The following GOLGA5 variants were observed in gnomAD, a reference collection of about 807,000 sequenced individuals.
GOLGA5 encodes golgin subfamily A member 5.
In GOLGA5, 50 loss-of-function variants were observed where a neutral mutation model predicts 93.5. That is an observed-to-expected ratio of 0.53 (90% confidence interval 0.43 to 0.68). The LOEUF (loss-of-function observed/expected upper bound fraction) is 0.68, where lower values mean the gene tolerates loss of function less well. Among genes scored for constraint, GOLGA5 ranks in the 30% least tolerant of loss-of-function variants. GOLGA5 has a pLI of 0.00. For synonymous variants in GOLGA5, 312 were observed against 304.5 expected, an observed-to-expected ratio of 1.02 and a Z score of -0.26; for missense variants, 760 against 856.4, an observed-to-expected ratio of 0.89 and a Z score of 1.40.
intron 10 of GOLGA5, among the ~76,000 whole-genome samples, chr14:92,834,184 C>CTTTT (rs35449807): frequency 3.3e-4 from 44 of 135,008 alleles, no homozygotes; most frequent in South Asian, 4.8e-4. Flanking sequence ...TAGGTTTCAC[C>CTTTT]TTTTTTTTTT....
At chr14:92,826,024 C>T (rs902834592) in intron 9 of GOLGA5, among the ~76,000 whole-genome samples, 2 of 151,856 alleles carry the variant, frequency 1.3e-5, no homozygotes, top group Non-Finnish European at 2.9e-5. Flanking sequence ...CATGGTGGCA[C>T]GTACCTGTAA....
At chr14:92,804,846 C>G (rs147018317) in intron 2 of GOLGA5, among the ~76,000 whole-genome samples, 484 of 148,256 alleles carry the variant, frequency 3.3e-3, no homozygotes, top group Middle Eastern at 0.014. Context: ...CAGGGTTTCA[C>G]TATGTTGGCC....
At chr14:92,823,148 G>A (rs1266780391) in intron 8 of GOLGA5, among the ~76,000 whole-genome samples, 2 of 152,118 alleles carry the variant, frequency 1.3e-5, no homozygotes, top group Non-Finnish European at 2.9e-5. Flanking sequence ...TGTGTGAGGT[G>A]AGCTACAGAT....
Position 92,817,865 on chromosome 14 carries a change from A to G in GOLGA5, c.1491+1444A>G, listed in dbSNP as rs1398119909. ...CATCTTGCGGAGCTTTAATTTTCTC[A>G]TCTATAGAATGCAGGTAAACAAAGG... is the stretch of plus-strand genomic sequence containing the variant. On this transcript the variant is annotated intron_variant, in intron 7 of 12. Coordinates refer to ENST00000163416, the MANE Select transcript of GOLGA5 (RefSeq NM_005113.4). Among the ~76,000 whole-genome samples the G allele has an allele frequency of 3.3e-5, 5 of 152,250 alleles. No homozygotes were observed. The East Asian group carries it at 9.6e-4, about 29-fold the overall frequency.
At chr14:92,797,102 G>C (rs1884750876) in intron 1 of GOLGA5, among the ~76,000 whole-genome samples, 1 of 150,598 alleles carries the variant, frequency 6.6e-6, no homozygotes, top group South Asian at 2.1e-4. Context: ...AAAAACAGTA[G>C]TGGTAGTTGT....
intron 1 of GOLGA5, 93 bp from the exon 2 acceptor site, chr14:92,797,315 C>T: frequency 1.4e-6 from 1 of 689,798 alleles, no homozygotes; most frequent in East Asian, 2.8e-5. Context: ...GTTAGGATTT[C>T]AACCCAGGAT....
chr14:92,827,568 A>G (rs1885448212), intron 9 of GOLGA5, among the ~76,000 whole-genome samples: 1 of 152,202 alleles, frequency 6.6e-6, no homozygotes, highest in African/African-American at 2.4e-5. Flanking sequence ...TAGGCCAATT[A>G]ATAAACCTAC....
chr14:92,810,620 A>C, intron 5 of GOLGA5: 1 of 251,784 alleles, frequency 4.0e-6, no homozygotes, highest in Admixed American at 5.5e-5. Context: ...CTTTTACTTA[A>C]TTTTTGCAAC....
chr14:92,820,127 C>G (rs1885286952), intron 8 of GOLGA5, among the ~76,000 whole-genome samples: 1 of 152,172 alleles, frequency 6.6e-6, no homozygotes, highest in African/African-American at 2.4e-5. Flanking sequence ...AGGACCTTCA[C>G]CGGCACCGGT....
At chr14:92,811,821 G>A in intron 6 of GOLGA5, 67 bp downstream of exon 6, 1 of 1,107,320 alleles carries the variant, frequency 9.0e-7, no homozygotes, top group Non-Finnish European at 1.4e-6. Flanking sequence ...ATTTGAGACT[G>A]TGTAGATACT....
Position 92,794,398 on chromosome 14 carries a change from G to A in GOLGA5, c.-89G>A, listed in dbSNP as rs2140307384. 6.6e-6 allele frequency: 1 copy of A among 152,412 alleles called. No homozygotes were observed. Among genetic ancestry groups the A allele is most frequent in the Admixed American group, 6.5e-5 (1 of 15,314 alleles). The allele number at this position is 152,412 out of a possible 1,614,324, so 9.4% of individuals were successfully genotyped here. A position where few individuals can be genotyped will look rare whatever the true frequency, so the allele number is the denominator to read the frequency against. On this transcript the variant is annotated 5_prime_UTR_variant, in exon 1 of 13. Coordinates refer to ENST00000163416, the MANE Select transcript of GOLGA5 (RefSeq NM_005113.4). ...TTGGGCCCCCTCCGGGCCAGCCGCCGAGGGGGCGCGGCCCAGGACGGCGGC... is the reference window on the plus strand; with the variant it reads ...TTGGGCCCCCTCCGGGCCAGCCGCCAAGGGGGCGCGGCCCAGGACGGCGGC...
At chr14:92,820,200 A>AGGAGAGC (rs1885288662) in intron 8 of GOLGA5, among the ~76,000 whole-genome samples, 1 of 152,238 alleles carries the variant, frequency 6.6e-6, no homozygotes, top group Admixed American at 6.5e-5. Flanking sequence ...GGAATGCAGT[A>AGGAGAGC]GGAGAGCAGG....
intron 9 of GOLGA5, among the ~76,000 whole-genome samples, chr14:92,832,112 A>C (rs1298853228): frequency 6.6e-6 from 1 of 152,222 alleles, no homozygotes. Flanking sequence ...ACTGATAAAT[A>C]CCAAGACATT....
At position 92,798,409 on chromosome 14, in the gene GOLGA5, C is replaced by T. The variant is rs539472575; in HGVS notation, c.544+428C>T. 2.6e-5 allele frequency among the ~76,000 whole-genome samples: 4 copies of T among 151,982 alleles called. No homozygotes were observed. In the East Asian group the frequency reaches 7.8e-4, roughly 29 times the overall value. ...GGGTTGTGTTTTTTGTGTGTTTTTC[C>T]CCCCACATCCTCCACAAATAAAGCT... On this transcript the variant is annotated intron_variant, in intron 2 of 12. Transcript: ENST00000163416.
At chr14:92,803,409 T>C (rs1884916204) in intron 2 of GOLGA5, among the ~76,000 whole-genome samples, 2 of 152,246 alleles carry the variant, frequency 1.3e-5, no homozygotes, top group Admixed American at 1.3e-4. Flanking sequence ...ATTAGCCTTA[T>C]CAAATGAATT....
chr14:92,803,729 A>T (rs951107239), intron 2 of GOLGA5, among the ~76,000 whole-genome samples: 4 of 152,232 alleles, frequency 2.6e-5, no homozygotes, highest in African/African-American at 9.6e-5. Context: ...TTAGTTATTC[A>T]TACCAACCCT....
chr14:92,814,813 C>T lies in GOLGA5; in HGVS notation c.1321-1438C>T, dbSNP rs1885170298. On this transcript the variant is annotated intron_variant, in intron 6 of 12. Coordinates refer to ENST00000163416, the MANE Select transcript of GOLGA5 (RefSeq NM_005113.4). Reference sequence around the variant, plus strand: ...CTGGTCTTTGCATGTCAAATCTCTTCTTCAAACTCATCTTTTATCTCAGGG... The same window carrying T: ...CTGGTCTTTGCATGTCAAATCTCTTTTTCAAACTCATCTTTTATCTCAGGG... Among the ~76,000 whole-genome samples the T allele has an allele frequency of 2.0e-5, 3 of 152,104 alleles. 1 individual carries two copies. Among genetic ancestry groups the T allele is most frequent in the East Asian group, 3.8e-4 (2 of 5,206 alleles).
At chr14:92,819,088 C>T (rs1389169571) in intron 7 of GOLGA5, among the ~76,000 whole-genome samples, 1 of 152,184 alleles carries the variant, frequency 6.6e-6, no homozygotes, top group Non-Finnish European at 1.5e-5. Flanking sequence ...GGGACTAATG[C>T]AGTGAAGTCC....
chr14:92,817,869 A>G (rs1018634946), intron 7 of GOLGA5, among the ~76,000 whole-genome samples: 4 of 152,242 alleles, frequency 2.6e-5, no homozygotes, highest in Non-Finnish European at 5.9e-5. Context: ...TTTCTCATCT[A>G]TAGAATGCAG....
Sources: gnomAD v4.1 joint callset for allele counts (sites outside exome capture counted in the v4.1 genomes callset) on GRCh38, gnomAD v4.1.1 for gene constraint, MANE v1.5 for transcripts, NCBI Gene and HGNC (gene_info 2026-07-23, HGNC 2026-07-21) for gene names.